Variants in PPIL3 observed in about 807,000 individuals in gnomAD.
The protein encoded by PPIL3 is peptidylprolyl isomerase like 3.
PPIL3 carries 13 observed loss-of-function variants against 20.9 expected under a neutral mutation model. That is an observed-to-expected ratio of 0.62 (90% confidence interval 0.40 to 0.99). The LOEUF (loss-of-function observed/expected upper bound fraction) is 0.99, where lower values mean the gene tolerates loss of function less well. Among genes scored for constraint, PPIL3 ranks in the 50% least tolerant of loss-of-function variants. The pLI, the probability that PPIL3 is intolerant of heterozygous loss-of-function variation, is 0.00. For synonymous variants in PPIL3, 71 were observed against 64.4 expected (o/e 1.10, Z -0.49); for missense variants, 170 against 195.2 (o/e 0.87, Z 0.77).
intron 6 of PPIL3, among the ~76,000 whole-genome samples, chr2:200,872,775 T>C (rs2105753773): frequency 6.6e-6 from 1 of 152,338 alleles, no homozygotes; most frequent in African/African-American, 2.4e-5. Flanking sequence ...AAGATTTCTT[T>C]GCTACAGGAA....
In PPIL3 at chr2:200,887,252, G is replaced by A. The variant is rs867303155; in HGVS notation, c.3+361C>T. ...ATACAAAAAATTAGCTGGGCGTGGTGGCAGGCGCGTGTAATCTCAGCTACC... is the reference window on the plus strand; with the variant it reads ...ATACAAAAAATTAGCTGGGCGTGGTAGCAGGCGCGTGTAATCTCAGCTACC... On this transcript the variant is annotated intron_variant, in intron 2 of 6. Transcript: ENST00000392283. Among the ~76,000 whole-genome samples, 7 of 152,026 alleles carry A rather than the reference G, an allele frequency of 4.6e-5. No individual in the cohort carries two copies. The Middle Eastern group carries it at 0.02, about 443-fold the overall frequency.
At chr2:200,874,299 A>C (rs1416260511) in intron 6 of PPIL3, among the ~76,000 whole-genome samples, 1 of 152,134 alleles carries the variant, frequency 6.6e-6, no homozygotes, top group Non-Finnish European at 1.5e-5. Context: ...TTTTACCCCT[A>C]AATATAGACA....
chr2:200,871,787 A>G (rs1342070816), intron 6 of PPIL3, among the ~76,000 whole-genome samples: 1 of 152,216 alleles, frequency 6.6e-6, no homozygotes, highest in Admixed American at 6.5e-5. Flanking sequence ...CCCCATTCAT[A>G]CAGTGACAGA....
chr2:200,871,364 T>A lies in PPIL3; in HGVS notation c.*31A>T. The A allele has an allele frequency of 1.3e-6, 2 of 1,584,986 alleles. No individual in the cohort carries two copies. Among genetic ancestry groups the A allele is most frequent in the Non-Finnish European group, 1.7e-6 (2 of 1,163,870 alleles). ...ACCACAATAAGTGTGTTCCAGCAAT[T>A]TGTCAAGTTATTTGTCCAGGTCTAT... On this transcript the variant is annotated 3_prime_UTR_variant, in exon 7 of 7. Transcript: ENST00000392283.
chr2:200,872,787 T>C (rs2039358242), intron 6 of PPIL3, among the ~76,000 whole-genome samples: 1 of 152,066 alleles, frequency 6.6e-6, no homozygotes, highest in Non-Finnish European at 1.5e-5. Flanking sequence ...CTACAGGAAA[T>C]ACATGGAGAA....
At chr2:200,876,800 GGT>G (rs1314916758) in intron 6 of PPIL3, 117 bp downstream of exon 6, 1 of 789,202 alleles carries the variant, frequency 1.3e-6, no homozygotes, top group East Asian at 2.6e-5. Flanking sequence ...TGGGATTACA[GGT>G]GTGAGGCACT....
At chr2:200,872,011 T>C (rs7606251) in intron 6 of PPIL3, among the ~76,000 whole-genome samples, 48,687 of 151,976 alleles carry the variant, frequency 0.32, 10,686 homozygotes, top group African/African-American at 0.63. Flanking sequence ...CCTGGCCCTA[T>C]AATTTAATTG....
At chr2:200,882,261 C>T (rs1162101768) in intron 4 of PPIL3, 81 bp downstream of exon 4, 11 of 927,308 alleles carry the variant, frequency 1.2e-5, no homozygotes, top group African/African-American at 1.7e-5. Context: ...AAAAACTCCA[C>T]GTATTTAATT....
chr2:200,882,522 G>T, intron 3 of PPIL3, 87 bp from the exon 4 acceptor site: 1 of 833,968 alleles, frequency 1.2e-6, no homozygotes, highest in Non-Finnish European at 2.1e-6. Flanking sequence ...AAACGTGATA[G>T]CAGCATATTT....
At chr2:200,880,980 T>C (rs556911048) in intron 5 of PPIL3, among the ~76,000 whole-genome samples, 15 of 152,300 alleles carry the variant, frequency 9.8e-5, no homozygotes, top group African/African-American at 3.4e-4. Context: ...TATTAAGTCA[T>C]ATTAATACAG....
At chr2:200,884,582 T>TA (rs1319974525) in intron 3 of PPIL3, among the ~76,000 whole-genome samples, 2 of 150,502 alleles carry the variant, frequency 1.3e-5, no homozygotes, top group Non-Finnish European at 1.5e-5. Flanking sequence ...CATAAAAATT[T>TA]AAAAAAAATT....
At chr2:200,874,280 A>C (rs1285687586) in intron 6 of PPIL3, among the ~76,000 whole-genome samples, 3 of 152,156 alleles carry the variant, frequency 2.0e-5, no homozygotes, top group African/African-American at 4.8e-5. Context: ...TTCAACCAAA[A>C]CATTTTGATT....
chr2:200,885,611 T>G, intron 3 of PPIL3, 87 bp downstream of exon 3: 1 of 864,660 alleles, frequency 1.2e-6, no homozygotes, highest in South Asian at 1.5e-5. Context: ...AAAGTTTTGT[T>G]GTTGTTATTT....
upstream of PPIL3, chr2:200,889,146 C>T (rs1007279264): frequency 7.0e-6 from 3 of 426,088 alleles, no homozygotes; most frequent in East Asian, 1.4e-4. Context: ...TATCTCAAAC[C>T]AAAACGACAA....
At chr2:200,876,076 T>C (rs914700618) in intron 6 of PPIL3, among the ~76,000 whole-genome samples, 1 of 152,014 alleles carries the variant, frequency 6.6e-6, no homozygotes, top group African/African-American at 2.4e-5. Flanking sequence ...AATGCTATCA[T>C]TAATGAAAAT....
chr2:200,870,981 A>AC lies in PPIL3; in HGVS notation c.*413_*414insG, dbSNP rs1463686648. On this transcript the variant is annotated 3_prime_UTR_variant, in exon 7 of 7. Transcript: ENST00000392283. ...TAGCCTGAAGGTAATTTTACACAAT[A>AC]TTTTAATTAATTTGTCCTACGATTT... is the stretch of plus-strand genomic sequence containing the variant. The AC allele has an allele frequency of 6.9e-6, 1 of 144,176 alleles. No homozygotes were observed. The highest frequency in any genetic ancestry group is 3.0e-5 in the African/African-American group (1 of 33,688). 8.9% of individuals were successfully genotyped at this position (144,176 alleles called of 1,614,324 possible). A position where few individuals can be genotyped will look rare whatever the true frequency, so the allele number is the denominator to read the frequency against.
chr2:200,873,023 C>T (rs2039371728), intron 6 of PPIL3, among the ~76,000 whole-genome samples: 1 of 151,996 alleles, frequency 6.6e-6, no homozygotes. Flanking sequence ...AGGAGCCTAC[C>T]ACCACGCCTG....
intron 6 of PPIL3, among the ~76,000 whole-genome samples, chr2:200,873,932 G>A (rs998201957): frequency 9.2e-5 from 14 of 151,860 alleles, no homozygotes; most frequent in Admixed American, 2.0e-4. Flanking sequence ...TAGGCCTGGC[G>A]CAGTGGCTCA....
rs1398294254 is a variant in PPIL3, at chr2:200,877,016, A to C, written c.262T>G (p.Ser88Ala). The change falls in exon 6 of 7, where the codon TCT (serine) becomes GCT (alanine). Residue 88 changes from serine to alanine, a missense_variant. Transcript: ENST00000392283. ...YLKHNVRGVV[S>A]MANNGPNTNG... Reference sequence around the variant, plus strand: ...GTGTTCGGGCCATTATTAGCCATAGATACAACACCTCTAACATTGTGCTGA... The same window carrying C: ...GTGTTCGGGCCATTATTAGCCATAGCTACAACACCTCTAACATTGTGCTGA... The C allele has an allele frequency of 2.5e-6, 4 of 1,610,924 alleles. No individual in the cohort carries two copies. In the African/African-American group the frequency reaches 5.3e-5, roughly 22 times the overall value.
Sources: allele counts gnomAD v4.1 joint callset (sites outside exome capture counted in the v4.1 genomes callset), GRCh38; gene constraint gnomAD v4.1.1; transcripts MANE v1.5; gene names NCBI Gene and HGNC (gene_info 2026-07-23, HGNC 2026-07-21).